Variants in LYG1 observed in about 807,000 individuals in gnomAD.
LYG1 encodes the protein lysozyme g-like protein 1.
A neutral mutation model predicts 21.7 loss-of-function variants in LYG1; 17 were observed. The observed-to-expected ratio is 0.78, with a 90% confidence interval of 0.54 to 1.18. The LOEUF (loss-of-function observed/expected upper bound fraction) is 1.18. LYG1 is among the 50% of genes most tolerant of loss of function. The pLI, the probability that LYG1 is intolerant of heterozygous loss-of-function variation, is 0.00. For synonymous variants in LYG1, 81 were observed against 87.4 expected (o/e 0.93, Z 0.41); for missense variants, 211 against 238.1 (o/e 0.89, Z 0.75).
At chr2:99,289,530 T>G (rs1232268626) in intron 5 of LYG1, among the ~76,000 whole-genome samples, 2 of 151,846 alleles carry the variant, frequency 1.3e-5, no homozygotes, top group Non-Finnish European at 2.9e-5. Flanking sequence ...AGAAAAAAGA[T>G]AGTCAAGTTA....
Position 99,291,231 on chromosome 2 carries a change from A to G in LYG1, c.333+6T>C. On this transcript the variant is annotated splice_donor_region_variant and intron_variant, in intron 5 of 6. Transcript: ENST00000308528. The stretch of plus-strand genomic sequence containing the variant: ...TGGCCACATGTGTCAACGGATGAAG[A>G]GTTACCTGCACCATGCTAGTCCTAT... 1 of 1,612,826 alleles carries G rather than the reference A, an allele frequency of 6.2e-7. No individual in the cohort carries two copies. The highest frequency in any genetic ancestry group is 8.5e-7 in the Non-Finnish European group (1 of 1,179,290).
At chr2:99,303,960 A>G (rs1385725026), upstream of LYG1, among the ~76,000 whole-genome samples, 1 of 152,134 alleles carries the variant, frequency 6.6e-6, no homozygotes, top group African/African-American at 2.4e-5. Context: ...TCACGAGCTC[A>G]AGAGATAGAG....
chr2:99,295,424 T>G (rs1394770700), intron 3 of LYG1, among the ~76,000 whole-genome samples: 2 of 152,234 alleles, frequency 1.3e-5, no homozygotes, highest in Admixed American at 6.5e-5. Flanking sequence ...AAGCCCACCT[T>G]GCATTCCAGA....
intron 4 of LYG1, among the ~76,000 whole-genome samples, chr2:99,292,015 A>G (rs1457456006): frequency 6.6e-6 from 1 of 152,112 alleles, no homozygotes; most frequent in African/African-American, 2.4e-5. Context: ...GGCCGGGCGC[A>G]GTGGCTCACA....
intron 5 of LYG1, 112 bp downstream of exon 5, chr2:99,291,125 T>G (rs1312307997): frequency 2.0e-6 from 2 of 1,009,468 alleles, no homozygotes; most frequent in East Asian, 4.9e-5. Flanking sequence ...CTGTCACAGC[T>G]CTAGAGACCT....
At chr2:99,299,948 ACAC>A (rs1462738782) in intron 1 of LYG1, among the ~76,000 whole-genome samples, 1 of 151,928 alleles carries the variant, frequency 6.6e-6, no homozygotes, top group Non-Finnish European at 1.5e-5. Context: ...GTACACACAC[ACAC>A]ATGCACGTAC....
At chr2:99,300,545 C>G (rs1475576847) in intron 1 of LYG1, among the ~76,000 whole-genome samples, 3 of 152,182 alleles carry the variant, frequency 2.0e-5, no homozygotes, top group African/African-American at 7.2e-5. Flanking sequence ...ACATGTTGGC[C>G]TTAGTTCTTA....
chr2:99,288,154 A>C (rs2094107030), intron 5 of LYG1, among the ~76,000 whole-genome samples: 1 of 152,122 alleles, frequency 6.6e-6, no homozygotes, highest in African/African-American at 2.4e-5. Flanking sequence ...AGGCTATTTT[A>C]CTGGCATCTA....
intron 2 of LYG1, among the ~76,000 whole-genome samples, chr2:99,297,777 C>T (rs903331326): frequency 3.9e-5 from 6 of 152,148 alleles, no homozygotes; most frequent in African/African-American, 1.4e-4. Flanking sequence ...TGCAATGGCA[C>T]GATCACGGCT....
Position 99,295,721 on chromosome 2 carries a change from G to T in LYG1, c.-32-19C>A, listed in dbSNP as rs1559222859. 1.2e-6 allele frequency: 2 copies of T among 1,608,562 alleles called. No individual in the cohort carries two copies. ...TGAAACACTTTTAAAACAAAAATTA[G>T]CTTGAGAATACAAAAATATCAGTCA... On this transcript the variant is annotated intron_variant, in intron 2 of 6. Transcript: ENST00000308528.
At chr2:99,299,899 C>T (rs1430991352) in intron 1 of LYG1, among the ~76,000 whole-genome samples, 1 of 151,278 alleles carries the variant, frequency 6.6e-6, no homozygotes, top group African/African-American at 2.4e-5. Flanking sequence ...TAATCTTCTC[C>T]CTCCCTACAT....
intron 5 of LYG1, among the ~76,000 whole-genome samples, chr2:99,287,882 T>G (rs2094105811): frequency 6.6e-6 from 1 of 152,168 alleles, no homozygotes; most frequent in African/African-American, 2.4e-5. Flanking sequence ...AGGAAACAAT[T>G]GTGTATATCC....
At position 99,294,885 on chromosome 2, in the gene LYG1, C is replaced by T. The variant is rs1209594311; in HGVS notation, c.43+743G>A. On this transcript the variant is annotated intron_variant, in intron 3 of 6. Coordinates refer to ENST00000308528, the MANE Select transcript of LYG1 (RefSeq NM_174898.3). ...CCCAGCACTTTGGGAGGCCAGATCA[C>T]GAGGTCAAGAGTTTGAGACCAATCT... Among the ~76,000 whole-genome samples, 14 of 152,018 alleles carry T rather than the reference C, an allele frequency of 9.2e-5. 1 individual carries two copies. Among genetic ancestry groups the T allele is most frequent in the Admixed American group, 7.9e-4 (12 of 15,232 alleles).
rs530933976 is a variant in LYG1, at chr2:99,289,302, A to T, written c.333+1935T>A. Among the ~76,000 whole-genome samples, 344 of 152,102 alleles carry T rather than the reference A, an allele frequency of 2.3e-3. 4 individuals carry two copies. Among genetic ancestry groups the T allele is most frequent in the African/African-American group, 8.1e-3 (334 of 41,472 alleles). ...TGATGAAACCCCATCTCTACAAAAA[A>T]TACAAACATTAGCCAGGCATGGTGG... On this transcript the variant is annotated intron_variant, in intron 5 of 6. Coordinates refer to ENST00000308528, the MANE Select transcript of LYG1 (RefSeq NM_174898.3).
chr2:99,293,468 T>G (rs1191210834), intron 3 of LYG1, among the ~76,000 whole-genome samples: 1 of 152,218 alleles, frequency 6.6e-6, no homozygotes, highest in Non-Finnish European at 1.5e-5. Flanking sequence ...TGAGGCTGGC[T>G]ACACTTTCTC....
chr2:99,291,403 C>A lies in LYG1; in HGVS notation c.167G>T (p.Arg56Met). 6.2e-7 allele frequency: 1 copy of A among 1,614,096 alleles called. No homozygotes were observed. Among genetic ancestry groups the A allele is most frequent in the Non-Finnish European group, 8.5e-7 (1 of 1,180,008 alleles). Residue 56 changes from arginine (R) to methionine (M), a missense_variant, in exon 5 of 7, where the codon AGG (arginine) becomes ATG (methionine). Physicochemically the swap from Arg to Met is moderately conservative, Grantham distance 91 (BLOSUM62 -1). Transcript: ENST00000308528. ...GTATGGCATGTCTATTTCAGCCAGC[C>A]TTTCAGAAGCACGAACTCCTAAACC... Reference protein sequence around the residue: ...LNYCGVRASERLAEIDMPYLL... With the variant: ...LNYCGVRASEMLAEIDMPYLL...
intron 5 of LYG1, among the ~76,000 whole-genome samples, chr2:99,289,320 C>T (rs775267229): frequency 1.8e-4 from 27 of 151,790 alleles, no homozygotes; most frequent in Non-Finnish European, 3.4e-4. Context: ...ATTAGCCAGG[C>T]ATGGTGGTGC....
In LYG1 at chr2:99,295,650, C is replaced by T; in HGVS notation, c.21G>A (p.Leu7=). 1.2e-6 allele frequency: 2 copies of T among 1,614,192 alleles called. No homozygotes were observed. Among genetic ancestry groups the T allele is most frequent in the South Asian group, 1.1e-5 (1 of 91,080 alleles). The stretch of plus-strand genomic sequence containing the variant: ...CACCCATCAGGGCAAGGAGGCCCAG[C>T]AGCAGCCACAATGCAGACATGATGA... MSALWL[L]LGLLALMDLS... The change falls in exon 3 of 7, where the codon CTG becomes CTA. Residue 7 remains leucine (L), a synonymous_variant. Coordinates refer to ENST00000308528, the MANE Select transcript of LYG1 (RefSeq NM_174898.3).
intron 5 of LYG1, among the ~76,000 whole-genome samples, chr2:99,286,450 A>C (rs2094099882): frequency 1.3e-5 from 2 of 152,178 alleles, no homozygotes; most frequent in Non-Finnish European, 2.9e-5. Flanking sequence ...TCACACCTGT[A>C]ATCCCAGCAC....
Sources: allele counts gnomAD v4.1 joint callset (sites outside exome capture counted in the v4.1 genomes callset), GRCh38; gene constraint gnomAD v4.1.1; transcripts MANE v1.5; gene names NCBI Gene and HGNC (gene_info 2026-07-23, HGNC 2026-07-21).